PCNX1: variants seen among roughly 807,000 people sequenced by gnomAD.
The protein encoded by PCNX1 is pecanex-like protein 1.
In PCNX1, 78 loss-of-function variants were observed where a neutral mutation model predicts 242.2. The observed-to-expected ratio is 0.32, with a 90% CI of 0.27 to 0.39. PCNX1 has a LOEUF of 0.39. Among genes scored for constraint, PCNX1 ranks in the 10% least tolerant of loss-of-function variants. The pLI, the probability that PCNX1 is intolerant of heterozygous loss-of-function variation, is 1.00. For synonymous variants in PCNX1, 1,024 were observed against 1,032.9 expected (o/e 0.99, Z 0.17); for missense variants, 2,581 against 2,856.5 (o/e 0.90, Z 2.20).
At chr14:71,054,015 C>A (rs1055427611) in intron 24 of PCNX1, among the ~76,000 whole-genome samples, 4 of 152,134 alleles carry the variant, frequency 2.6e-5, no homozygotes, top group African/African-American at 9.7e-5. Context: ...AACTCCTGAT[C>A]TGAAGTGATT....
chr14:70,977,025 C>G lies in PCNX1; in HGVS notation c.688C>G (p.Gln230Glu). The change falls in exon 6 of 36, where the codon CAG (glutamine) becomes GAG (glutamate). Residue 230 changes from glutamine to glutamate, a missense_variant. By Grantham distance (29) the Gln-to-Glu change is conservative. Around this residue, in one of 9 missense-constraint regions of PCNX1, gnomAD observed 1,204 missense variants for 1,216.7 expected, o/e 0.99. Coordinates refer to ENST00000304743, the MANE Select transcript of PCNX1 (RefSeq NM_014982.3). Reference sequence around the variant, plus strand: ...TCAGCCTTCCTTATCCTCTTGTGGACAGGACTTGCCAAGGGACTTCAGTGA... The same window carrying G: ...TCAGCCTTCCTTATCCTCTTGTGGAGAGGACTTGCCAAGGGACTTCAGTGA... The part of the protein sequence containing the change: ...SIQPSLSSCG[Q>E]DLPRDFSDKV... 6.2e-7 allele frequency: 1 copy of G among 1,614,132 alleles called. No homozygotes were observed. Among genetic ancestry groups the G allele is most frequent in the Non-Finnish European group, 8.5e-7 (1 of 1,179,996 alleles).
intron 7 of PCNX1, among the ~76,000 whole-genome samples, chr14:70,995,499 T>C (rs914066871): frequency 6.6e-6 from 1 of 152,216 alleles, no homozygotes; most frequent in African/African-American, 2.4e-5. Flanking sequence ...AAGTCGCAGA[T>C]TGACCAATTT....
intron 1 of PCNX1, among the ~76,000 whole-genome samples, chr14:70,913,206 AT>A (rs2056001551): frequency 6.6e-6 from 1 of 152,122 alleles, no homozygotes; most frequent in African/African-American, 2.4e-5. Flanking sequence ...TCATATTAGG[AT>A]CTGAAGAAGT....
At chr14:71,023,162 C>T in intron 12 of PCNX1, 38 bp from the exon 13 acceptor site, 1 of 1,557,278 alleles carries the variant, frequency 6.4e-7, no homozygotes, top group Non-Finnish European at 8.9e-7. Flanking sequence ...ATTAGCAAGA[C>T]TTCAGGAGTG....
chr14:71,069,359 A>G (rs1353809104), intron 26 of PCNX1, among the ~76,000 whole-genome samples: 1 of 152,242 alleles, frequency 6.6e-6, no homozygotes, highest in Non-Finnish European at 1.5e-5. Context: ...AAATTAATAG[A>G]ATTCTATTTT....
intron 8 of PCNX1, among the ~76,000 whole-genome samples, chr14:71,004,049 A>T (rs189767420): frequency 6.6e-6 from 1 of 152,360 alleles, no homozygotes; most frequent in East Asian, 1.9e-4. Context: ...TTAGTAAACC[A>T]CCGCCTGTGG....
intron 5 of PCNX1, among the ~76,000 whole-genome samples, chr14:70,970,597 C>T (rs1329370651): frequency 6.6e-6 from 1 of 152,176 alleles, no homozygotes; most frequent in East Asian, 1.9e-4. Context: ...ACACACGAAT[C>T]TACCCTTGCA....
chr14:71,050,174 T>TA (rs5809510), intron 22 of PCNX1, among the ~76,000 whole-genome samples: 3 of 151,952 alleles, frequency 2.0e-5, no homozygotes, highest in East Asian at 1.9e-4. Flanking sequence ...TCTTTTTTTT[T>TA]ATTTATTATT....
At chr14:71,099,358 C>T (rs1030584244) in intron 30 of PCNX1, among the ~76,000 whole-genome samples, 1 of 152,058 alleles carries the variant, frequency 6.6e-6, no homozygotes, top group Non-Finnish European at 1.5e-5. Context: ...CGGGGTTTCA[C>T]CGTGTTAGCC....
chr14:71,109,932 G>T lies in PCNX1; in HGVS notation c.7023G>T (p.Val2341=). Residue 2341 remains valine (V), a synonymous_variant, in exon 36 of 36, where the codon GTG becomes GTT. Coordinates refer to ENST00000304743, the MANE Select transcript of PCNX1 (RefSeq NM_014982.3). The part of the protein sequence containing the change: ...ETGVLELGAE[V] ...GGGTACTAGAACTTGGGGCTGAAGT[G>T]TGAGCCAGTGTTTATTATAAAGACA... 6.2e-7 allele frequency: 1 copy of T among 1,612,966 alleles called. No homozygotes were observed. The highest frequency in any genetic ancestry group is 8.5e-7 in the Non-Finnish European group (1 of 1,179,036).
Position 70,977,654 on chromosome 14 carries a change from G to C in PCNX1, c.1317G>C (p.Glu439Asp). ...AAGAGTGCTGTGCAGGCCCAGAGGAGAAGAATAGCTGTGCCAGTGACAAAA... is the reference window on the plus strand; with the variant it reads ...AAGAGTGCTGTGCAGGCCCAGAGGACAAGAATAGCTGTGCCAGTGACAAAA... ...RKKECCAGPEEKNSCASDKRT... is the reference protein window; with the variant it reads ...RKKECCAGPEDKNSCASDKRT... The change falls in exon 6 of 36, where the codon GAG becomes GAC. Residue 439 changes from glutamate to aspartate, a missense_variant. Physicochemically the swap from Glu to Asp is conservative, Grantham distance 45 (BLOSUM62 2). Around this residue, in one of 9 missense-constraint regions of PCNX1, gnomAD observed 1,204 missense variants for 1,216.7 expected, o/e 0.99. Coordinates refer to ENST00000304743, the MANE Select transcript of PCNX1 (RefSeq NM_014982.3). 6.2e-7 allele frequency: 1 copy of C among 1,613,972 alleles called. No homozygotes were observed. The highest frequency in any genetic ancestry group is 8.5e-7 in the Non-Finnish European group (1 of 1,179,890).
At chr14:71,056,869 G>T (rs2061196347) in intron 25 of PCNX1, among the ~76,000 whole-genome samples, 1 of 151,968 alleles carries the variant, frequency 6.6e-6, no homozygotes, top group South Asian at 2.1e-4. Context: ...AGTAGTGACA[G>T]GGTTTTGCCA....
Position 70,907,979 on chromosome 14 carries a change from G to C in PCNX1, c.129G>C (p.Leu43=). 6.3e-7 allele frequency: 1 copy of C among 1,597,894 alleles called. No individual in the cohort carries two copies. The highest frequency in any genetic ancestry group is 8.5e-7 in the Non-Finnish European group (1 of 1,173,476). Reference sequence around the variant, plus strand: ...ACCTCTACCTGTGGCTCTTTCTGCTGGGCCTGCCCTTCACCCTCTACATGG... The same window carrying C: ...ACCTCTACCTGTGGCTCTTTCTGCTCGGCCTGCCCTTCACCCTCTACATGG... ...ALHLYLWLFL[L]GLPFTLYMAL... The change falls in exon 1 of 36, where the codon CTG becomes CTC. Residue 43 remains leucine, a synonymous_variant. Transcript: ENST00000304743.
At position 71,033,943 on chromosome 14, in the gene PCNX1, A is replaced by C. The variant is rs1197829700; in HGVS notation, c.3681A>C (p.Gln1227His). The C allele has an allele frequency of 2.5e-6, 4 of 1,593,000 alleles. No homozygotes were observed. The Admixed American group carries it at 5.1e-5, about 20-fold the overall frequency. ...SDPSVLFSLV[Q>H]SKIFPKTEEK... ...TCTTCACATAAAGCTCTTTAGTGCA[A>C]TCCAAGATTTTTCCAAAAACGGAAG... The change falls in exon 18 of 36, where the codon CAA (glutamine) becomes CAC (histidine). Residue 1227 changes from glutamine to histidine, a missense_variant. Around this residue, in one of 9 missense-constraint regions of PCNX1, gnomAD observed 432 missense variants for 443.1 expected, o/e 0.97. Transcript: ENST00000304743.
chr14:70,956,422 G>A (rs974126116), intron 2 of PCNX1, among the ~76,000 whole-genome samples: 1 of 152,004 alleles, frequency 6.6e-6, no homozygotes, highest in Admixed American at 6.6e-5. Flanking sequence ...CGGGTGTGGT[G>A]GCATGGGCAT....
At chr14:71,082,692 A>G (rs138849952) in intron 28 of PCNX1, among the ~76,000 whole-genome samples, 13,771 of 151,636 alleles carry the variant, frequency 0.091, 740 homozygotes, top group Admixed American at 0.18. Context: ...TTTGCTTTCC[A>G]TTCACTTGGT....
chr14:70,949,536 T>G (rs1002220307), intron 2 of PCNX1, among the ~76,000 whole-genome samples: 9 of 151,004 alleles, frequency 6.0e-5, no homozygotes, highest in African/African-American at 2.2e-4. Context: ...AGTAGTATAC[T>G]TTACTTAACC....
chr14:71,090,221 G>T (rs571149277), intron 30 of PCNX1, among the ~76,000 whole-genome samples: 1 of 152,192 alleles, frequency 6.6e-6, no homozygotes, highest in Non-Finnish European at 1.5e-5. Flanking sequence ...TTAAAGTGAG[G>T]CCCCACAATG....
At chr14:70,964,332 G>T (rs2058313573) in intron 3 of PCNX1, among the ~76,000 whole-genome samples, 1 of 152,128 alleles carries the variant, frequency 6.6e-6, no homozygotes, top group African/African-American at 2.4e-5. Context: ...CTCCCAAAGT[G>T]CTGGGATTAC....
Sources: allele counts gnomAD v4.1 joint callset (sites outside exome capture counted in the v4.1 genomes callset), GRCh38; gene constraint gnomAD v4.1.1; regional missense constraint gnomAD v4.1.1; transcripts MANE v1.5; gene names NCBI Gene and HGNC (gene_info 2026-07-23, HGNC 2026-07-21).